HPS3: variants seen among roughly 807,000 people sequenced by gnomAD.
HPS3 encodes the protein BLOC-2 complex member HPS3.
In HPS3, 79 loss-of-function variants were observed where a neutral mutation model predicts 110.9. The observed-to-expected ratio is 0.71, with a 90% CI of 0.59 to 0.86. HPS3 has a LOEUF of 0.86. HPS3 is among the 40% of genes least tolerant of loss of function. The probability of loss-of-function intolerance (pLI) is 0.00; values close to 1 mark genes in which losing one functional copy is unlikely to be tolerated. For missense variants in HPS3, 1,197 were observed against 1,206.2 expected, an observed-to-expected ratio of 0.99 and a Z score of 0.11; for synonymous variants, 428 against 451.0, an observed-to-expected ratio of 0.95 and a Z score of 0.65.
rs62274993 is a variant in HPS3, at chr3:149,136,215, T to C, written c.218-3789T>C. ...TAATATATGTATATACATATATATA[T>C]ACACACACACACACAAATTAGCCAA... is the stretch of plus-strand genomic sequence containing the variant. On this transcript the variant is annotated intron_variant, in intron 1 of 16. Coordinates refer to ENST00000296051, the MANE Select transcript of HPS3 (RefSeq NM_032383.5). 2.9e-4 allele frequency among the ~76,000 whole-genome samples: 29 copies of C among 101,036 alleles called. No individual in the cohort carries two copies. In the South Asian group the frequency reaches 3.3e-3, roughly 11 times the overall value. 66.3% of individuals were successfully genotyped at this position (101,036 alleles called of 152,430 possible). A position where few individuals can be genotyped will look rare whatever the true frequency, so the allele number is the denominator to read the frequency against.
intron 6 of HPS3, among the ~76,000 whole-genome samples, 168 bp from the exon 7 acceptor site, chr3:149,153,326 A>C (rs1250594183): frequency 6.6e-6 from 1 of 152,224 alleles, no homozygotes; most frequent in Non-Finnish European, 1.5e-5. Flanking sequence ...TCTTCTGTTA[A>C]GAATAGGAAT....
intron 16 of HPS3, among the ~76,000 whole-genome samples, chr3:149,171,618 AC>A (rs911076764): frequency 1.1e-3 from 173 of 152,216 alleles, no homozygotes; most frequent in African/African-American, 3.9e-3. Context: ...AAAATAAGTT[AC>A]AACCATAAAG....
chr3:149,167,063 A>C lies in HPS3; in HGVS notation c.2619A>C (p.Ile873=). The C allele has an allele frequency of 6.2e-7, 1 of 1,613,636 alleles. No individual in the cohort carries two copies. The highest frequency in any genetic ancestry group is 8.5e-7 in the Non-Finnish European group (1 of 1,179,630). The change falls in exon 15 of 17, where the codon ATA becomes ATC. Residue 873 remains isoleucine, a synonymous_variant. Transcript: ENST00000296051. Reference sequence around the variant, plus strand: ...TTATATGTGGTCCTTCATTTGACATAGCTTCCATTATTCCGTTCTTGGAGC... The same window carrying C: ...TTATATGTGGTCCTTCATTTGACATCGCTTCCATTATTCCGTTCTTGGAGC... ...QSLICGPSFD[I]ASIIPFLEPL...
chr3:149,151,271 G>A (rs1021193295), intron 6 of HPS3, among the ~76,000 whole-genome samples: 9 of 151,232 alleles, frequency 6.0e-5, no homozygotes, highest in African/African-American at 1.7e-4. Flanking sequence ...GGGCCCAAGC[G>A]ATCTGCCTGC....
At chr3:149,169,247 G>A (rs909456944) in intron 16 of HPS3, among the ~76,000 whole-genome samples, 2 of 152,104 alleles carry the variant, frequency 1.3e-5, no homozygotes, top group Admixed American at 6.6e-5. Flanking sequence ...CTTTAGGTTC[G>A]TTTCACAGAA....
Position 149,162,848 on chromosome 3 carries a change from C to T in HPS3, c.2451C>T (p.Asp817=), listed in dbSNP as rs2108170734. 1.2e-6 allele frequency: 2 copies of T among 1,613,958 alleles called. No individual in the cohort carries two copies. The highest frequency in any genetic ancestry group is 1.7e-4 in the Middle Eastern group (1 of 6,058). ...GATTGTCTAAGAGGCAGCCTCCTGA[C>T]ACCACACCATTGCGAACATCGGAGG... The part of the protein sequence containing the change: ...IWRLSKRQPP[D]TTPLRTSEDL... Residue 817 remains aspartate, a synonymous_variant, in exon 13 of 17, where the codon GAC becomes GAT. Coordinates refer to ENST00000296051, the MANE Select transcript of HPS3 (RefSeq NM_032383.5).
At chr3:149,171,429 A>G (rs1016453933) in intron 16 of HPS3, among the ~76,000 whole-genome samples, 1 of 152,094 alleles carries the variant, frequency 6.6e-6, no homozygotes, top group Non-Finnish European at 1.5e-5. Context: ...TATCCTATCA[A>G]TCTTTATAAA....
At chr3:149,146,323 A>G in intron 5 of HPS3, among the ~76,000 whole-genome samples, 1 of 152,212 alleles carries the variant, frequency 6.6e-6, no homozygotes, top group African/African-American at 2.4e-5. Context: ...GAGATTTGCG[A>G]AAAATGTCTT....
At chr3:149,165,166 G>A (rs1457433783) in intron 14 of HPS3, among the ~76,000 whole-genome samples, 1 of 152,072 alleles carries the variant, frequency 6.6e-6, no homozygotes, top group African/African-American at 2.4e-5. Flanking sequence ...TTCATTTCAC[G>A]AATATTGCTT....
chr3:149,167,090 A>C lies in HPS3; in HGVS notation c.2646A>C (p.Pro882=). 6.2e-7 allele frequency: 1 copy of C among 1,613,998 alleles called. No individual in the cohort carries two copies. The highest frequency in any genetic ancestry group is 1.7e-5 in the Admixed American group (1 of 60,016). ...CTTCCATTATTCCGTTCTTGGAGCC[A>C]CTTTCAGAAGACACTATTGCCGGCC... ...DIASIIPFLE[P]LSEDTIAGLS... is the part of the protein sequence containing the mutation. Residue 882 remains proline (P), a synonymous_variant, in exon 15 of 17, where the codon CCA becomes CCC. Coordinates refer to ENST00000296051, the MANE Select transcript of HPS3 (RefSeq NM_032383.5).
intron 1 of HPS3, among the ~76,000 whole-genome samples, chr3:149,132,179 A>G (rs1721818685): frequency 6.6e-6 from 1 of 152,228 alleles, no homozygotes; most frequent in Non-Finnish European, 1.5e-5. Flanking sequence ...GAGTTTATGG[A>G]GGCAGCTGTG....
chr3:149,167,954 A>C lies in HPS3; in HGVS notation c.2858A>C (p.Lys953Thr). 6.3e-7 allele frequency: 1 copy of C among 1,597,074 alleles called. No individual in the cohort carries two copies. Among genetic ancestry groups the C allele is most frequent in the African/African-American group, 1.3e-5 (1 of 74,682 alleles). The change falls in exon 16 of 17, where the codon AAG becomes ACG. Residue 953 changes from lysine to threonine, a missense_variant. Physicochemically the swap from Lys to Thr is moderately conservative, Grantham distance 78. Coordinates refer to ENST00000296051, the MANE Select transcript of HPS3 (RefSeq NM_032383.5). ...LCQRIKCGGE[K>T]YQLYLSSLKE... is the part of the protein sequence containing the mutation. ...CAGAGAATAAAATGTGGTGGAGAGA[A>C]GTATCAACTCTACCTGTCATCATTA...
At chr3:149,132,255 C>A (rs1027439184) in intron 1 of HPS3, among the ~76,000 whole-genome samples, 2 of 152,206 alleles carry the variant, frequency 1.3e-5, no homozygotes, top group Non-Finnish European at 2.9e-5. Context: ...CCATCTAGGA[C>A]TTTCTTGGCT....
chr3:149,153,777 T>A (rs1723279883), intron 7 of HPS3, 129 bp downstream of exon 7: 1 of 935,208 alleles, frequency 1.1e-6, no homozygotes, highest in African/African-American at 1.6e-5. Context: ...GTGGTCTTTT[T>A]CCAGAGAAAG....
intron 8 of HPS3, among the ~76,000 whole-genome samples, chr3:149,156,574 C>CT (rs35727286): frequency 0.027 from 3,652 of 135,282 alleles, 61 homozygotes; most frequent in South Asian, 0.049. Context: ...TTAGGGTTTG[C>CT]TTTTTTTTTT....
chr3:149,162,643 G>A lies in HPS3; in HGVS notation c.2293-47G>A. 1.9e-6 allele frequency: 3 copies of A among 1,574,262 alleles called. No individual in the cohort carries two copies. In the South Asian group the frequency reaches 3.3e-5, roughly 17 times the overall value. ...ATTCAGCCCAGCTGTCGCTTTATCA[G>A]TGCTATATTTATCTGGAATATAGAG... On this transcript the variant is annotated intron_variant, in intron 12 of 16. Transcript: ENST00000296051.
Position 149,167,102 on chromosome 3 carries a change from C to T in HPS3, c.2658C>T (p.Asp886=), listed in dbSNP as rs141916243. 2 of 1,613,914 alleles carry T rather than the reference C, an allele frequency of 1.2e-6. No homozygotes were observed. The highest frequency in any genetic ancestry group is 1.7e-6 in the Non-Finnish European group (2 of 1,179,790). The change falls in exon 15 of 17, where the codon GAC becomes GAT. Residue 886 remains aspartate (D), a synonymous_variant. Coordinates refer to ENST00000296051, the MANE Select transcript of HPS3 (RefSeq NM_032383.5). ...IIPFLEPLSE[D]TIAGLSVHVL... ...CGTTCTTGGAGCCACTTTCAGAAGA[C>T]ACTATTGCCGGCCTCAGTGTCCATG...
At chr3:149,171,940 C>T (rs577125316) in intron 16 of HPS3, among the ~76,000 whole-genome samples, 155 bp from the exon 17 acceptor site, 3 of 152,066 alleles carry the variant, frequency 2.0e-5, no homozygotes, top group East Asian at 1.9e-4. Flanking sequence ...CTCCTGACCT[C>T]GTGATCTGCC....
rs562322177 is a variant in HPS3, at chr3:149,133,714, T to C, written c.217+3774T>C. Among the ~76,000 whole-genome samples the C allele has an allele frequency of 2.7e-3, 407 of 152,348 alleles. 4 individuals are homozygous for C. The South Asian group carries it at 0.031, about 12-fold the overall frequency. ...AAGACCCTTCACCAGTGAAAAGATA[T>C]GTCTCGTTAAAGGCTTGGATGATCG... On this transcript the variant is annotated intron_variant, in intron 1 of 16. Coordinates refer to ENST00000296051, the MANE Select transcript of HPS3 (RefSeq NM_032383.5).
Sources: allele counts gnomAD v4.1 joint callset (sites outside exome capture counted in the v4.1 genomes callset), GRCh38; gene constraint gnomAD v4.1.1; transcripts MANE v1.5; gene names NCBI Gene and HGNC (gene_info 2026-07-23, HGNC 2026-07-21).